The following CPVL variants were observed in gnomAD, a reference collection of about 807,000 sequenced individuals.
CPVL encodes probable serine carboxypeptidase CPVL.
Under a neutral mutation model 63.7 loss-of-function variants are expected in CPVL, and 51 were observed. The observed-to-expected ratio is 0.80, with a 90% CI of 0.64 to 1.01. The LOEUF (loss-of-function observed/expected upper bound fraction) is 1.01. Ranked by LOEUF, CPVL falls within the 50% of genes least tolerant of loss-of-function variation. The pLI, the probability that CPVL is intolerant of heterozygous loss-of-function variation, is 0.00. For missense variants in CPVL, 530 were observed against 573.1 expected, an observed-to-expected ratio of 0.92 and a Z score of 0.77; for synonymous variants, 195 against 206.0, an observed-to-expected ratio of 0.95 and a Z score of 0.46.
At chr7:29,059,268 T>C (rs1031322604) in intron 11 of CPVL, among the ~76,000 whole-genome samples, 1 of 152,132 alleles carries the variant, frequency 6.6e-6, no homozygotes, top group African/African-American at 2.4e-5. Flanking sequence ...ATAATCTCCA[T>C]ATCTCTATTT....
At chr7:29,057,649 C>T (rs317706) in intron 11 of CPVL, among the ~76,000 whole-genome samples, 127,673 of 152,188 alleles carry the variant, frequency 0.84, 54,368 homozygotes, top group African/African-American at 0.96. Context: ...TTTAGGTCTA[C>T]AATCCATTCA....
chr7:29,057,251 C>G (rs1382430572), intron 11 of CPVL, among the ~76,000 whole-genome samples: 1 of 152,170 alleles, frequency 6.6e-6, no homozygotes, highest in African/African-American at 2.4e-5. Context: ...CCACTGGCAA[C>G]CAGCCAACAT....
intron 12 of CPVL, among the ~76,000 whole-genome samples, chr7:29,005,792 T>A (rs1785136864): frequency 6.6e-6 from 1 of 152,244 alleles, no homozygotes; most frequent in Non-Finnish European, 1.5e-5. Context: ...TTTCCCATCC[T>A]CATTCTCTCC....
At chr7:29,006,835 T>C (rs1366694401) in intron 12 of CPVL, among the ~76,000 whole-genome samples, 1 of 152,222 alleles carries the variant, frequency 6.6e-6, no homozygotes, top group East Asian at 1.9e-4. Flanking sequence ...ATTAGTCTAA[T>C]TGACAACGTA....
intron 3 of CPVL, among the ~76,000 whole-genome samples, chr7:29,099,111 T>A (rs1003942639): frequency 4.6e-5 from 7 of 152,036 alleles, no homozygotes; most frequent in African/African-American, 1.7e-4. Flanking sequence ...TGAAAAAAGA[T>A]CAATAATAGT....
intron 3 of CPVL, among the ~76,000 whole-genome samples, chr7:29,106,610 A>G (rs1294440070): frequency 6.6e-6 from 1 of 152,162 alleles, no homozygotes; most frequent in Non-Finnish European, 1.5e-5. Context: ...CTTGCTGCAA[A>G]GGAGAAATGC....
intron 1 of CPVL, among the ~76,000 whole-genome samples, chr7:29,135,958 A>C (rs1791180823): frequency 6.6e-6 from 1 of 152,072 alleles, no homozygotes; most frequent in African/African-American, 2.4e-5. Context: ...CTCATATACC[A>C]CTTCTCAGAA....
chr7:29,080,668 G>A (rs1784622825), intron 7 of CPVL, among the ~76,000 whole-genome samples: 1 of 151,452 alleles, frequency 6.6e-6, no homozygotes, highest in Admixed American at 6.6e-5. Context: ...TATTCATTAA[G>A]CACCGTGCTT....
chr7:29,101,679 T>TC (rs1198594068), intron 3 of CPVL, among the ~76,000 whole-genome samples: 1 of 152,128 alleles, frequency 6.6e-6, no homozygotes, highest in Non-Finnish European at 1.5e-5. Flanking sequence ...TTTTTTTTTT[T>TC]CTTCAGTGAA....
At chr7:29,163,007 T>G (rs1292047814) in intron 5 of CPVL, among the ~76,000 whole-genome samples, 1 of 152,250 alleles carries the variant, frequency 6.6e-6, no homozygotes, top group Non-Finnish European at 1.5e-5. Flanking sequence ...GTGTAGTTAA[T>G]TGTACCAATC....
chr7:29,066,182 TAC>T (rs1330077639), intron 9 of CPVL, 61 bp from the exon 10 acceptor site: 5 of 867,248 alleles, frequency 5.8e-6, no homozygotes, highest in African/African-American at 5.1e-5. Flanking sequence ...GATAAAAATG[TAC>T]AGACATTTGT....
chr7:29,046,548 C>T (rs1789630855), intron 11 of CPVL, among the ~76,000 whole-genome samples: 1 of 140,066 alleles, frequency 7.1e-6, no homozygotes, highest in Non-Finnish European at 1.5e-5. Context: ...CAAGGACACA[C>T]ACATGCACGT....
chr7:29,047,613 A>C, intron 11 of CPVL, among the ~76,000 whole-genome samples: 1 of 152,200 alleles, frequency 6.6e-6, no homozygotes, highest in East Asian at 1.9e-4. Flanking sequence ...TGGAAAAGAG[A>C]TTTGGGGGAA....
chr7:29,167,880 T>C (rs535466404), intron 5 of CPVL, among the ~76,000 whole-genome samples: 1 of 152,318 alleles, frequency 6.6e-6, no homozygotes, highest in South Asian at 2.1e-4. Context: ...CTGGAGCAAT[T>C]ACTTACTGAT....
intron 9 of CPVL, among the ~76,000 whole-genome samples, chr7:29,068,885 C>CG (rs367979542): frequency 9.3e-5 from 14 of 150,618 alleles, no homozygotes; most frequent in African/African-American, 3.4e-4. Flanking sequence ...TTAGTAGAGA[C>CG]GGGGTTTCAC....
At position 28,995,723 on chromosome 7, in the gene CPVL, T is replaced by C; in HGVS notation, c.*49A>G. 1 of 1,120,886 alleles carries C rather than the reference T, an allele frequency of 8.9e-7. No individual in the cohort carries two copies. Among genetic ancestry groups the C allele is most frequent in the Non-Finnish European group, 1.3e-6 (1 of 765,588 alleles). 69.4% of individuals were successfully genotyped at this position (1,120,886 alleles called of 1,614,324 possible). On this transcript the variant is annotated 3_prime_UTR_variant, in exon 13 of 13. Transcript: ENST00000265394. ...CTATGACATTTTCTGTTTTTACGAT[T>C]TTCTTTTCAGCAATGAAAACCTCTG... is the stretch of plus-strand genomic sequence containing the variant.
At chr7:29,147,840 A>C (rs1268100997), upstream of CPVL, among the ~76,000 whole-genome samples, 2 of 152,258 alleles carry the variant, frequency 1.3e-5, no homozygotes, top group African/African-American at 4.8e-5. Flanking sequence ...GATTAAGTAC[A>C]ATAAGTTCTA....
intron 12 of CPVL, chr7:29,011,029 A>G (rs1785769473): frequency 6.6e-6 from 1 of 152,226 alleles, no homozygotes; most frequent in Non-Finnish European, 1.5e-5. Flanking sequence ...TCACTTGAAT[A>G]TGGTAACAAA....
chr7:29,000,543 G>A (rs1334422668), intron 12 of CPVL, among the ~76,000 whole-genome samples: 1 of 152,130 alleles, frequency 6.6e-6, no homozygotes, highest in Non-Finnish European at 1.5e-5. Context: ...GAAGCTGCGG[G>A]CGCATGCAGC....
Sources: gnomAD v4.1 joint callset for allele counts (sites outside exome capture counted in the v4.1 genomes callset) on GRCh38, gnomAD v4.1.1 for gene constraint, MANE v1.5 for transcripts, NCBI Gene and HGNC (gene_info 2026-07-23, HGNC 2026-07-21) for gene names.